Variants in SYNDIG1 observed in about 807,000 individuals in gnomAD.
SYNDIG1 encodes the protein synapse differentiation-inducing gene protein 1.
SYNDIG1 carries 9 observed loss-of-function variants against 19.4 expected under a neutral mutation model. The observed-to-expected ratio is 0.46, with a 90% CI of 0.28 to 0.81. The LOEUF is 0.81. Among genes scored for constraint, SYNDIG1 ranks in the 30% least tolerant of loss-of-function variants. The pLI is 0.12. For missense variants in SYNDIG1, 311 were observed against 343.3 expected, an observed-to-expected ratio of 0.91 and a Z score of 0.74; for synonymous variants, 141 against 145.9, an observed-to-expected ratio of 0.97 and a Z score of 0.24.
At chr20:24,559,265 A>T (rs1243588068) in intron 2 of SYNDIG1, among the ~76,000 whole-genome samples, 1 of 152,140 alleles carries the variant, frequency 6.6e-6, no homozygotes, top group African/African-American at 2.4e-5. Flanking sequence ...TCACATGTTC[A>T]CCTCCTAAGT....
chr20:24,611,080 G>A (rs919757106), intron 3 of SYNDIG1, among the ~76,000 whole-genome samples: 1 of 152,060 alleles, frequency 6.6e-6, no homozygotes, highest in Non-Finnish European at 1.5e-5. Flanking sequence ...CTGAGTGTTC[G>A]CCTTATTTCT....
At chr20:24,598,349 CAGGTCTGT>C (rs1241468218) in intron 3 of SYNDIG1, among the ~76,000 whole-genome samples, 1 of 152,174 alleles carries the variant, frequency 6.6e-6, no homozygotes, top group African/African-American at 2.4e-5. Context: ...AATTGGAATC[CAGGTCTGT>C]ACAAATCAGG....
intron 3 of SYNDIG1, among the ~76,000 whole-genome samples, chr20:24,614,076 C>A (rs1392504207): frequency 6.6e-6 from 1 of 152,248 alleles, no homozygotes; most frequent in African/African-American, 2.4e-5. Context: ...CTCATAGCAG[C>A]CTTGCCCTAT....
At chr20:24,500,278 A>G (rs1301543721) in intron 1 of SYNDIG1, among the ~76,000 whole-genome samples, 1 of 152,210 alleles carries the variant, frequency 6.6e-6, no homozygotes, top group Non-Finnish European at 1.5e-5. Flanking sequence ...AATATAATTC[A>G]CAGAAATCGT....
At chr20:24,654,068 A>G (rs1410527531) in intron 3 of SYNDIG1, among the ~76,000 whole-genome samples, 15 of 152,226 alleles carry the variant, frequency 9.9e-5, no homozygotes, top group Non-Finnish European at 1.6e-4. Flanking sequence ...ACCAATGTAC[A>G]ATGTATGCTG....
intron 1 of SYNDIG1, among the ~76,000 whole-genome samples, chr20:24,470,484 C>G (rs1056441433): frequency 1.3e-5 from 2 of 148,792 alleles, no homozygotes; most frequent in African/African-American, 5.2e-5. Flanking sequence ...ACAGCCCTGG[C>G]GCCGAGATGG....
intron 3 of SYNDIG1, among the ~76,000 whole-genome samples, chr20:24,596,119 T>G (rs1405042663): frequency 1.3e-5 from 2 of 152,192 alleles, no homozygotes; most frequent in African/African-American, 4.8e-5. Context: ...CTCTTTGCAC[T>G]GTTTTAGCTG....
At chr20:24,559,275 TG>T (rs1352591709) in intron 2 of SYNDIG1, among the ~76,000 whole-genome samples, 2 of 152,010 alleles carry the variant, frequency 1.3e-5, no homozygotes, top group Non-Finnish European at 2.9e-5. Context: ...ACCTCCTAAG[TG>T]GGTGGAAACT....
chr20:24,638,823 G>T (rs1257794139), intron 3 of SYNDIG1, among the ~76,000 whole-genome samples: 2 of 152,226 alleles, frequency 1.3e-5, no homozygotes, highest in Non-Finnish European at 2.9e-5. Flanking sequence ...ACTCAGCTTG[G>T]GCTTGTGATG....
chr20:24,518,511 C>T (rs1288704803), intron 1 of SYNDIG1, among the ~76,000 whole-genome samples: 1 of 152,204 alleles, frequency 6.6e-6, no homozygotes, highest in African/African-American at 2.4e-5. Flanking sequence ...ACACTGTCAC[C>T]AGCAGGGCTA....
At chr20:24,506,435 G>C (rs765307762) in intron 1 of SYNDIG1, among the ~76,000 whole-genome samples, 26 of 152,352 alleles carry the variant, frequency 1.7e-4, no homozygotes, top group Admixed American at 7.2e-4. Flanking sequence ...AAGAGAGGGA[G>C]AGCATGGCCA....
At chr20:24,550,669 C>T (rs918984963) in intron 2 of SYNDIG1, among the ~76,000 whole-genome samples, 6 of 151,948 alleles carry the variant, frequency 3.9e-5, no homozygotes, top group Admixed American at 6.6e-5. Context: ...CCACCATGCC[C>T]GGCTAATTTT....
chr20:24,626,410 G>T (rs1051670447), intron 3 of SYNDIG1, among the ~76,000 whole-genome samples: 2 of 151,878 alleles, frequency 1.3e-5, no homozygotes, highest in African/African-American at 4.8e-5. Flanking sequence ...GTCGTGGCCG[G>T]GCCGAGGCGC....
chr20:24,664,020 A>T (rs1006140575), intron 3 of SYNDIG1, among the ~76,000 whole-genome samples: 1 of 152,060 alleles, frequency 6.6e-6, no homozygotes, highest in African/African-American at 2.4e-5. Context: ...GCATCCCTTT[A>T]TCTCTGCTCC....
intron 1 of SYNDIG1, among the ~76,000 whole-genome samples, chr20:24,471,329 C>A (rs1323438456): frequency 2.0e-5 from 3 of 152,046 alleles, no homozygotes; most frequent in African/African-American, 7.2e-5. Flanking sequence ...TCCGTTCTGG[C>A]GCGGACAGGA....
intron 3 of SYNDIG1, among the ~76,000 whole-genome samples, chr20:24,652,735 C>T (rs1392305766): frequency 6.6e-6 from 1 of 152,170 alleles, no homozygotes; most frequent in Non-Finnish European, 1.5e-5. Context: ...GGTGCCCAGC[C>T]ATGTGCAGGG....
chr20:24,622,877 C>A (rs968475053), intron 3 of SYNDIG1, among the ~76,000 whole-genome samples: 2 of 143,680 alleles, frequency 1.4e-5, no homozygotes, highest in African/African-American at 4.9e-5. Flanking sequence ...AGAATTAGAA[C>A]AAAAAACAAA....
At chr20:24,579,640 C>G (rs2058290161) in intron 2 of SYNDIG1, among the ~76,000 whole-genome samples, 1 of 152,140 alleles carries the variant, frequency 6.6e-6, no homozygotes, top group African/African-American at 2.4e-5. Context: ...CACTGAGGGA[C>G]CAGTGTTGGT....
chr20:24,553,392 G>A (rs1241891678), intron 2 of SYNDIG1, among the ~76,000 whole-genome samples: 2 of 152,108 alleles, frequency 1.3e-5, no homozygotes, highest in Non-Finnish European at 2.9e-5. Context: ...GCCCATGCCT[G>A]TGTCCTGAAT....
Sources: gnomAD v4.1 joint callset for allele counts (sites outside exome capture counted in the v4.1 genomes callset) on GRCh38, gnomAD v4.1.1 for gene constraint, MANE v1.5 for transcripts, NCBI Gene and HGNC (gene_info 2026-07-23, HGNC 2026-07-21) for gene names.